Variants in DNAH17 observed in about 807,000 individuals in gnomAD.
The protein encoded by DNAH17 is dynein axonemal heavy chain 17, also known as axonemal beta dynein heavy chain 17.
DNAH17 carries 376 observed loss-of-function variants against 485.6 expected under a neutral mutation model. The observed-to-expected ratio is 0.77, with a 90% CI of 0.71 to 0.84. The LOEUF is 0.84. Among genes scored for constraint, DNAH17 ranks in the 40% least tolerant of loss-of-function variants. DNAH17 has a pLI of 0.00. For missense variants in DNAH17, 6,370 were observed against 5,839.3 expected (o/e 1.09, Z -2.96); for synonymous variants, 3,031 against 2,405.9 (o/e 1.26, Z -7.60).
At chr17:78,517,706 C>T (rs2090825238) in intron 25 of DNAH17, among the ~76,000 whole-genome samples, 2 of 152,330 alleles carry the variant, frequency 1.3e-5, no homozygotes, top group African/African-American at 4.8e-5. Flanking sequence ...TAGCATCTGA[C>T]CCAAACAAAA....
At chr17:78,555,088 G>A (rs924035271) in intron 14 of DNAH17, among the ~76,000 whole-genome samples, 2 of 152,106 alleles carry the variant, frequency 1.3e-5, no homozygotes, top group African/African-American at 2.4e-5. Context: ...CCATGCCTTC[G>A]AATGTTTTCT....
intron 18 of DNAH17, among the ~76,000 whole-genome samples, chr17:78,538,007 G>A (rs928171437): frequency 6.6e-6 from 1 of 152,078 alleles, no homozygotes; most frequent in East Asian, 1.9e-4. Flanking sequence ...TGGGCCTGGT[G>A]GTGGGTGTCT....
chr17:78,461,407 G>T (rs774048165), intron 58 of DNAH17, 137 bp downstream of exon 58: 5 of 978,840 alleles, frequency 5.1e-6, no homozygotes, highest in Non-Finnish European at 7.0e-6. Context: ...GGTCCCACTG[G>T]TTTAGGAACC....
chr17:78,438,635 G>T (rs1352826094), intron 73 of DNAH17, among the ~76,000 whole-genome samples: 1 of 150,846 alleles, frequency 6.6e-6, no homozygotes, highest in African/African-American at 2.4e-5. Context: ...AGTAGTTGAG[G>T]TTACAGGCAT....
chr17:78,570,116 A>C, intron 7 of DNAH17, 131 bp downstream of exon 7: 1 of 1,084,722 alleles, frequency 9.2e-7, no homozygotes, highest in Non-Finnish European at 1.3e-6. Context: ...TCGGGGCCTG[A>C]AAAGGCTTGT....
intron 9 of DNAH17, among the ~76,000 whole-genome samples, chr17:78,567,827 G>GTGTGTGTGCAGTTA: frequency 6.6e-6 from 1 of 152,260 alleles, no homozygotes; most frequent in East Asian, 1.9e-4. Flanking sequence ...CCCGTTAGCT[G>GTGTGTGTGCAGTTA]GTTGTGTGTG....
intron 31 of DNAH17, among the ~76,000 whole-genome samples, chr17:78,503,944 C>T (rs373244270): frequency 5.7e-4 from 86 of 150,754 alleles, no homozygotes; most frequent in Middle Eastern, 3.4e-3. Context: ...CCAGCCTGGG[C>T]GACAAGAGTG....
intron 67 of DNAH17, 120 bp from the exon 68 acceptor site, chr17:78,450,514 A>G: frequency 2.1e-6 from 3 of 1,457,900 alleles, no homozygotes; most frequent in Non-Finnish European, 2.8e-6. Context: ...TCTCAGCAGC[A>G]GCTGGGTGCA....
Position 78,494,965 on chromosome 17 carries a change from C to T in DNAH17, c.6036G>A (p.Ser2012=), listed in dbSNP as rs754391550. The change falls in exon 39 of 81, where the codon TCG becomes TCA. Residue 2012 remains serine (S), a synonymous_variant. Coordinates refer to ENST00000389840, the MANE Select transcript of DNAH17 (RefSeq NM_173628.4). ...TLYTLCKELL[S]KQDHYDWGLR... ...AGCTCCAGGACACACACACCTGCTT[C>T]GAGAGCAGCTCCTTGCACAAGGTGT... The T allele has an allele frequency of 7.4e-6, 12 of 1,612,342 alleles. No homozygotes were observed. Among genetic ancestry groups the T allele is most frequent in the African/African-American group, 5.3e-5 (4 of 74,914 alleles).
intron 19 of DNAH17, among the ~76,000 whole-genome samples, chr17:78,533,777 C>T (rs1395211466): frequency 6.6e-6 from 1 of 152,118 alleles, no homozygotes; most frequent in Non-Finnish European, 1.5e-5. Context: ...CTCTGCCTCC[C>T]AGGTTCAAGT....
intron 1 of DNAH17, among the ~76,000 whole-genome samples, chr17:78,575,499 C>T (rs977052677): frequency 6.6e-6 from 1 of 152,180 alleles, no homozygotes; most frequent in Admixed American, 6.5e-5. Context: ...TAAAAGACGT[C>T]GCAGCCCCAG....
Position 78,486,272 on chromosome 17 carries a change from G to A in DNAH17, c.7053C>T (p.Phe2351=), listed in dbSNP as rs976322638. The change falls in exon 45 of 81, where the codon TTC becomes TTT. Residue 2351 remains phenylalanine, a synonymous_variant. Transcript: ENST00000389840. ...CGAAGGCCCAGAAGCAGGTGAACAC[G>A]AAGTACAGCTCGTACAGCTCCCTGG... ...DSPRELYELY[F]VFTCFWAFGG... 4.4e-6 allele frequency: 7 copies of A among 1,604,656 alleles called. No individual in the cohort carries two copies. The African/African-American group carries it at 5.4e-5, about 12-fold the overall frequency.
In DNAH17 at chr17:78,505,305, G is replaced by A. The variant is rs1377760397; in HGVS notation, c.4944C>T (p.Asp1648=). The stretch of plus-strand genomic sequence containing the variant: ...CGCACACACTCACCTGCCCCGAGAG[G>A]TCGCATTCCTGATCAAAAACCATGT... ...DEYMVFDQEC[D]LSGQVEVWLN... Residue 1648 remains aspartate (D), a synonymous_variant, in exon 31 of 81, where the codon GAC becomes GAT. Transcript: ENST00000389840. The A allele has an allele frequency of 6.2e-7, 1 of 1,613,914 alleles. No homozygotes were observed. Among genetic ancestry groups the A allele is most frequent in the Non-Finnish European group, 8.5e-7 (1 of 1,179,850 alleles).
At chr17:78,469,933 T>G (rs1598509042) in intron 54 of DNAH17, among the ~76,000 whole-genome samples, 1 of 151,300 alleles carries the variant, frequency 6.6e-6, no homozygotes, top group East Asian at 1.9e-4. Flanking sequence ...GAATGGGGAG[T>G]TGTTTAATGG....
intron 75 of DNAH17, among the ~76,000 whole-genome samples, chr17:78,433,372 AC>A (rs1389974879): frequency 6.6e-6 from 1 of 152,170 alleles, no homozygotes; most frequent in African/African-American, 2.4e-5. Context: ...TGGGATTCAT[AC>A]GCTACCATCT....
chr17:78,549,753 ATC>A (rs1208884127), intron 16 of DNAH17, among the ~76,000 whole-genome samples: 1 of 152,128 alleles, frequency 6.6e-6, no homozygotes, highest in African/African-American at 2.4e-5. Flanking sequence ...GGCAGCAGGA[ATC>A]TCTGCAGGAT....
chr17:78,426,970 T>C lies in DNAH17; in HGVS notation c.12727A>G (p.Asn4243Asp), dbSNP rs978709231. ...QECERMNILT[N>D]EMRRSLKELN... ...TCCTTGAGCGAACGGCGCATTTCGTTGGTCAGGATGTTCATTCTTTCACAT... is the reference window on the plus strand; with the variant it reads ...TCCTTGAGCGAACGGCGCATTTCGTCGGTCAGGATGTTCATTCTTTCACAT... The change falls in exon 78 of 81, where the codon AAC (asparagine) becomes GAC (aspartate). Residue 4243 changes from asparagine to aspartate, a missense_variant. Asn to Asp is a conservative substitution (Grantham distance 23, BLOSUM62 1). Coordinates refer to ENST00000389840, the MANE Select transcript of DNAH17 (RefSeq NM_173628.4). The C allele has an allele frequency of 6.2e-7, 1 of 1,610,934 alleles. No homozygotes were observed. Among genetic ancestry groups the C allele is most frequent in the Non-Finnish European group, 8.5e-7 (1 of 1,178,618 alleles).
intron 69 of DNAH17, among the ~76,000 whole-genome samples, chr17:78,446,479 A>G (rs1263116836): frequency 6.6e-6 from 1 of 152,030 alleles, no homozygotes; most frequent in Non-Finnish European, 1.5e-5. Context: ...GTTCATCCAT[A>G]TTGTAGATGT....
intron 13 of DNAH17, among the ~76,000 whole-genome samples, chr17:78,560,027 C>T (rs371680448): frequency 3.3e-5 from 5 of 152,182 alleles, no homozygotes; most frequent in African/African-American, 1.2e-4. Flanking sequence ...GCCCTTCCTG[C>T]TCTTCCTTCC....
Sources: allele counts gnomAD v4.1 joint callset (sites outside exome capture counted in the v4.1 genomes callset), GRCh38; gene constraint gnomAD v4.1.1; transcripts MANE v1.5; gene names NCBI Gene and HGNC (gene_info 2026-07-23, HGNC 2026-07-21).